PREX1: variants seen among roughly 807,000 people sequenced by gnomAD.
PREX1 encodes phosphatidylinositol 3,4,5-trisphosphate-dependent Rac exchanger 1 protein.
Under a neutral mutation model 198.3 loss-of-function variants are expected in PREX1, and 41 were observed. The ratio of observed to expected loss-of-function variants is 0.21; its 90% CI spans 0.16 to 0.27. The LOEUF (loss-of-function observed/expected upper bound fraction) is 0.27. Ranked by LOEUF, PREX1 falls within the 10% of genes least tolerant of loss-of-function variation. PREX1 has a pLI of 1.00. For synonymous variants in PREX1, 843 were observed against 887.2 expected (o/e 0.95, Z 0.89); for missense variants, 1,620 against 2,200.7 (o/e 0.74, Z 5.28).
chr20:48,714,996 T>C (rs186917664), intron 5 of PREX1, among the ~76,000 whole-genome samples: 7 of 151,284 alleles, frequency 4.6e-5, no homozygotes, highest in Admixed American at 3.3e-4. Context: ...AGGAGGGAGG[T>C]GAGAAGGCTC....
At chr20:48,653,211 A>G in intron 20 of PREX1, 150 bp downstream of exon 20, 1 of 1,254,808 alleles carries the variant, frequency 8.0e-7, no homozygotes, top group Non-Finnish European at 1.1e-6. Flanking sequence ...CACAAAGCTC[A>G]GGCCCAGCTC....
chr20:48,813,267 AGGTCACAGAGCT>A (rs2090444394), intron 1 of PREX1, among the ~76,000 whole-genome samples: 1 of 152,352 alleles, frequency 6.6e-6, no homozygotes, highest in African/African-American at 2.4e-5. Context: ...CAGCTTCCCG[AGGTCACAGAGCT>A]GGTCACAGAG....
intron 36 of PREX1, 127 bp from the exon 37 acceptor site, chr20:48,629,748 A>T (rs1426563191): frequency 1.9e-6 from 2 of 1,029,514 alleles, no homozygotes; most frequent in East Asian, 5.1e-5. Context: ...CTCCCAGCTC[A>T]CCCCTCTGGG....
intron 26 of PREX1, among the ~76,000 whole-genome samples, chr20:48,645,242 C>T (rs1222460115): frequency 6.6e-6 from 1 of 152,250 alleles, no homozygotes; most frequent in Non-Finnish European, 1.5e-5. Context: ...GAAGCACCCT[C>T]TAAGATTCCA....
At chr20:48,635,294 C>T (rs1158041403) in intron 32 of PREX1, among the ~76,000 whole-genome samples, 4 of 152,192 alleles carry the variant, frequency 2.6e-5, no homozygotes, top group Admixed American at 6.5e-5. Context: ...CTGGCCACCA[C>T]CCAGGTTCAA....
At chr20:48,787,081 C>T (rs1032325115) in intron 1 of PREX1, among the ~76,000 whole-genome samples, 7 of 150,496 alleles carry the variant, frequency 4.7e-5, no homozygotes, top group East Asian at 2.0e-4. Flanking sequence ...TGGCTAGAAA[C>T]GTCCAGCAAA....
At chr20:48,647,668 G>C (rs1214098006) in intron 25 of PREX1, among the ~76,000 whole-genome samples, 1 of 152,174 alleles carries the variant, frequency 6.6e-6, no homozygotes, top group Non-Finnish European at 1.5e-5. Flanking sequence ...AAGGCTCAGA[G>C]TGGTTAAGTG....
chr20:48,625,769 C>G lies in PREX1; in HGVS notation c.*116G>C. 12 of 1,265,920 alleles carry G rather than the reference C, an allele frequency of 9.5e-6. No homozygotes were observed. Among genetic ancestry groups the G allele is most frequent in the Non-Finnish European group, 1.3e-5 (12 of 942,808 alleles). 78.4% of individuals were successfully genotyped at this position (1,265,920 alleles called of 1,614,324 possible). A position where few individuals can be genotyped will look rare whatever the true frequency, so the allele number is the denominator to read the frequency against. On this transcript the variant is annotated 3_prime_UTR_variant, in exon 40 of 40. Transcript: ENST00000371941. The stretch of plus-strand genomic sequence containing the variant: ...GGCAGGGAGGACGCTGGGCAGGTCC[C>G]GGAACGGGCGGCTGCGGAAGCCTTG...
At chr20:48,767,873 C>T (rs992002030) in intron 1 of PREX1, among the ~76,000 whole-genome samples, 14 of 152,180 alleles carry the variant, frequency 9.2e-5, no homozygotes, top group Admixed American at 9.2e-4. Context: ...AGCAGCCTCA[C>T]CCAAGCCACA....
At chr20:48,834,731 A>AT in the PREX1 span, among the ~76,000 whole-genome samples, 7 of 151,828 alleles carry the variant, frequency 4.6e-5, no homozygotes, top group Non-Finnish European at 7.4e-5. Context: ...GGCTAATTTT[A>AT]TTTTTTTTGT....
At chr20:48,762,643 C>G (rs1163103695) in intron 1 of PREX1, among the ~76,000 whole-genome samples, 3 of 152,054 alleles carry the variant, frequency 2.0e-5, no homozygotes, top group Admixed American at 2.0e-4. Context: ...GTCTCAGCTT[C>G]CCTCTCTATG....
At chr20:48,884,166 G>T in the PREX1 span, among the ~76,000 whole-genome samples, 1 of 150,772 alleles carries the variant, frequency 6.6e-6, no homozygotes, top group African/African-American at 2.4e-5. Context: ...AATCCCAGCT[G>T]GTTTCTTTTT....
chr20:48,659,924 G>A lies in PREX1; in HGVS notation c.1876C>T (p.Leu626=), dbSNP rs1279259104. ...CTGCTCAGCTGTGCTCCTACCAGCA[G>A]GCGCTTGGCCAGAATGTTCTCCACC... ...KLVENILAKR[L]LILPQEEDYG... The change falls in exon 16 of 40, where the codon CTG becomes TTG. Residue 626 remains leucine (L), a synonymous_variant. Transcript: ENST00000371941. 1.2e-6 allele frequency: 2 copies of A among 1,614,078 alleles called. No homozygotes were observed. Among genetic ancestry groups the A allele is most frequent in the Admixed American group, 3.3e-5 (2 of 60,012 alleles).
At chr20:48,729,085 C>T (rs1414943098) in intron 4 of PREX1, among the ~76,000 whole-genome samples, 12 of 151,256 alleles carry the variant, frequency 7.9e-5, no homozygotes, top group African/African-American at 2.9e-4. Flanking sequence ...GCTTTTTTTT[C>T]TTTTTTTTCC....
intron 5 of PREX1, among the ~76,000 whole-genome samples, chr20:48,711,060 T>C (rs550096828): frequency 1.3e-5 from 2 of 152,340 alleles, no homozygotes; most frequent in East Asian, 3.9e-4. Flanking sequence ...CCCTGGCTGC[T>C]GACAGGAGGA....
intron 1 of PREX1, among the ~76,000 whole-genome samples, chr20:48,811,528 A>G (rs1251617231): frequency 1.3e-5 from 2 of 150,786 alleles, no homozygotes; most frequent in African/African-American, 2.4e-5. Context: ...AGTTGGATAC[A>G]CACACACACA....
At chr20:48,664,471 G>A (rs895184012) in intron 15 of PREX1, among the ~76,000 whole-genome samples, 2 of 152,176 alleles carry the variant, frequency 1.3e-5, no homozygotes, top group Non-Finnish European at 2.9e-5. Flanking sequence ...TCACTGGGGA[G>A]GGGTCAACTG....
chr20:48,824,424 G>T (rs1403116921), intron 1 of PREX1, among the ~76,000 whole-genome samples: 3 of 152,156 alleles, frequency 2.0e-5, no homozygotes. Context: ...CCTCCTCTCA[G>T]TGCTGACTTA....
intron 7 of PREX1, among the ~76,000 whole-genome samples, chr20:48,693,704 T>C (rs943650170): frequency 2.0e-5 from 3 of 151,728 alleles, no homozygotes; most frequent in African/African-American, 7.3e-5. Context: ...CCTGCTGGGT[T>C]ACAAGCGATT....
Sources: allele counts gnomAD v4.1 joint callset (sites outside exome capture counted in the v4.1 genomes callset), GRCh38; gene constraint gnomAD v4.1.1; transcripts MANE v1.5; gene names NCBI Gene and HGNC (gene_info 2026-07-23, HGNC 2026-07-21).